The following RGPD8 variants were observed in gnomAD, a reference collection of about 807,000 sequenced individuals.
RGPD8 encodes the protein RANBP2-like and GRIP domain-containing protein 8.
In RGPD8, 15 loss-of-function variants were observed where a neutral mutation model predicts 89.1. The ratio of observed to expected loss-of-function variants is 0.17; its 90% CI spans 0.11 to 0.26. RGPD8 has a LOEUF of 0.26. Ranked by LOEUF, RGPD8 falls within the 10% of genes least tolerant of loss-of-function variation. RGPD8 has a pLI of 1.00. For missense variants in RGPD8, 178 were observed against 1,179.6 expected, an observed-to-expected ratio of 0.15 and a Z score of 12.44; for synonymous variants, 62 against 420.9, an observed-to-expected ratio of 0.15 and a Z score of 10.44.
Position 112,433,421 on chromosome 2 carries a change from G to T in RGPD8, c.33C>A (p.Tyr11Ter). MRRSKADVER[Y>*]VASVLGLTPS... is the part of the protein sequence containing the mutation. ...GGGTGAGACCCAGCACCGAGGCGAC[G>T]TACCGCTCCACATCGGCCTTGCTGC... is the stretch of plus-strand genomic sequence containing the variant. Residue 11 changes from tyrosine (Y) to a stop codon, truncating the protein, a stop_gained, in exon 1 of 23, where the codon TAC becomes TAA. Coordinates refer to ENST00000302558, the MANE Select transcript of RGPD8 (RefSeq NM_001164463.1). LOFTEE classifies it high-confidence loss of function. The T allele has an allele frequency of 6.2e-7, 1 of 1,610,416 alleles. No homozygotes were observed.
intron 1 of RGPD8, among the ~76,000 whole-genome samples, chr2:112,432,846 G>A (rs1223835463): frequency 6.6e-6 from 1 of 152,244 alleles, no homozygotes; most frequent in African/African-American, 2.4e-5. Flanking sequence ...TCCTGCGCTT[G>A]CAAGCGCCAC....
In RGPD8 at chr2:112,433,557, G is replaced by A. The variant is rs554026456; in HGVS notation, c.-104C>T. On this transcript the variant is annotated 5_prime_UTR_variant, in exon 1 of 23. The change creates a new upstream start codon in the 5' untranslated region. Coordinates refer to ENST00000302558, the MANE Select transcript of RGPD8 (RefSeq NM_001164463.1). ...GCCTGCAAGCCACTGAAGCAGCGGC[G>A]TAGCCGGCGGAGGCCCACTGTGACG... 4,998 of 1,250,456 alleles carry A rather than the reference G, an allele frequency of 4.0e-3. 214 individuals are homozygous for A. The Admixed American group carries it at 0.079, about 20-fold the overall frequency. The allele number at this position is 1,250,456 out of a possible 1,614,324, so 77.5% of individuals were successfully genotyped here. A position where few individuals can be genotyped will look rare whatever the true frequency, so the allele number is the denominator to read the frequency against.
chr2:112,419,639 G>A (rs1252048758), intron 4 of RGPD8, among the ~76,000 whole-genome samples: 1 of 151,310 alleles, frequency 6.6e-6, no homozygotes, highest in Admixed American at 6.6e-5. Context: ...GTGCCTTCAA[G>A]TTATTAAAGA....
chr2:112,422,712 A>C, intron 2 of RGPD8, 53 bp from the exon 3 acceptor site: 2 of 619,202 alleles, frequency 3.2e-6, no homozygotes, highest in Non-Finnish European at 5.5e-6. Context: ...TGTACTTTTA[A>C]ATGCTAACCG....
At chr2:112,426,131 CA>C (rs1317730870) in intron 1 of RGPD8, among the ~76,000 whole-genome samples, 1 of 152,002 alleles carries the variant, frequency 6.6e-6, no homozygotes, top group Non-Finnish European at 1.5e-5. Context: ...TTTCCTAAGT[CA>C]AAAACTCACC....
intron 2 of RGPD8, among the ~76,000 whole-genome samples, chr2:112,423,880 G>GT (rs1469949470): frequency 8.1e-6 from 1 of 123,266 alleles, no homozygotes; most frequent in Non-Finnish European, 1.8e-5. Context: ...TTACAGTTTA[G>GT]TTTTTTATTC....
intron 7 of RGPD8, among the ~76,000 whole-genome samples, chr2:112,411,508 T>G (rs1406471609): frequency 6.4e-5 from 2 of 31,146 alleles, no homozygotes; most frequent in African/African-American, 1.5e-4. Flanking sequence ...GAGGTGGAGC[T>G]TGCAGTGAGC....
intron 1 of RGPD8, among the ~76,000 whole-genome samples, chr2:112,432,867 G>A (rs868073498): frequency 1.8e-4 from 27 of 152,174 alleles, no homozygotes; most frequent in African/African-American, 6.3e-4. Flanking sequence ...GCCGCCCACA[G>A]GACTGCGCTA....
At chr2:112,427,424 T>G (rs1679818140) in intron 1 of RGPD8, among the ~76,000 whole-genome samples, 1 of 152,168 alleles carries the variant, frequency 6.6e-6, no homozygotes, top group African/African-American at 2.4e-5. Flanking sequence ...CAATATCTGA[T>G]GCAAGCAGTA....
chr2:112,373,272 T>C (rs540026341), intron 22 of RGPD8, among the ~76,000 whole-genome samples: 39 of 152,386 alleles, frequency 2.6e-4, no homozygotes, highest in South Asian at 1.9e-3. Context: ...CTATTTGACA[T>C]TGGGGACTAC....
intron 2 of RGPD8, among the ~76,000 whole-genome samples, chr2:112,423,707 A>T (rs1197684353): frequency 8.0e-6 from 1 of 125,532 alleles, no homozygotes; most frequent in African/African-American, 3.0e-5. Context: ...GATACTGCCT[A>T]AAAAAAAAAA....
intron 1 of RGPD8, chr2:112,432,573 C>T (rs1329796513): frequency 1.0e-6 from 1 of 985,292 alleles, no homozygotes; most frequent in Admixed American, 6.1e-5. Context: ...GGAGCTGCGT[C>T]AGTCCCCACT....
chr2:112,424,151 TA>T (rs1476489375), intron 2 of RGPD8, 88 bp downstream of exon 2: 1 of 1,446,702 alleles, frequency 6.9e-7, no homozygotes, highest in Non-Finnish European at 9.3e-7. Flanking sequence ...GAAGAACTAC[TA>T]AGAACATATT....
At chr2:112,416,124 A>G (rs1440179565) in intron 6 of RGPD8, among the ~76,000 whole-genome samples, 1 of 150,064 alleles carries the variant, frequency 6.7e-6, no homozygotes, top group Non-Finnish European at 1.5e-5. Context: ...AAGAAAGAAA[A>G]AAAGGAACCC....
intron 20 of RGPD8, among the ~76,000 whole-genome samples, chr2:112,385,245 A>G (rs1366160512): frequency 1.3e-5 from 2 of 151,542 alleles, no homozygotes; most frequent in East Asian, 1.9e-4. Context: ...AGCTAACACT[A>G]TAAAATCTAA....
intron 21 of RGPD8, among the ~76,000 whole-genome samples, chr2:112,379,770 CTG>C (rs1295360899): frequency 1.4e-5 from 2 of 142,510 alleles, no homozygotes; most frequent in Non-Finnish European, 3.1e-5. Flanking sequence ...CTGAAAATAA[CTG>C]AATTCGGCTT....
chr2:112,371,985 C>G (rs1677978777), intron 22 of RGPD8, among the ~76,000 whole-genome samples: 2 of 132,536 alleles, frequency 1.5e-5, no homozygotes, highest in South Asian at 5.1e-4. Context: ...AGTACCTTAA[C>G]ACATATTTAT....
chr2:112,371,786 C>T (rs2104757008), intron 22 of RGPD8, among the ~76,000 whole-genome samples: 1 of 126,268 alleles, frequency 7.9e-6, no homozygotes, highest in East Asian at 2.5e-4. Context: ...TTTGGTATTA[C>T]CCTTCCAGAC....
chr2:112,369,955 A>G lies in RGPD8; in HGVS notation c.*223T>C. ...GTTAGAGGGCTGTGGCCTGGTATCA[A>G]CACTTCAAGCTGTTGTACTTTTACT... On this transcript the variant is annotated 3_prime_UTR_variant, in exon 23 of 23. Coordinates refer to ENST00000302558, the MANE Select transcript of RGPD8 (RefSeq NM_001164463.1). 1 of 300,922 alleles carries G rather than the reference A, an allele frequency of 3.3e-6. No homozygotes were observed. Among genetic ancestry groups the G allele is most frequent in the Non-Finnish European group, 5.8e-6 (1 of 173,606 alleles). 18.6% of individuals were successfully genotyped at this position (300,922 alleles called of 1,614,324 possible).
Sources: gnomAD v4.1 joint callset for allele counts (sites outside exome capture counted in the v4.1 genomes callset) on GRCh38, gnomAD v4.1.1 for gene constraint, MANE v1.5 for transcripts, NCBI Gene and HGNC (gene_info 2026-07-23, HGNC 2026-07-21) for gene names.